The following SPECC1 variants were observed in gnomAD, a reference collection of about 807,000 sequenced individuals.
The protein encoded by SPECC1 is cytospin-B.
SPECC1 carries 62 observed loss-of-function variants against 104.1 expected under a neutral mutation model. The ratio of observed to expected loss-of-function variants is 0.60; its 90% CI spans 0.49 to 0.74. The LOEUF is 0.74. Ranked by LOEUF, SPECC1 falls within the 30% of genes least tolerant of loss-of-function variation. The probability of loss-of-function intolerance (pLI) is 0.00; values close to 1 mark genes in which losing one functional copy is unlikely to be tolerated. For missense variants in SPECC1, 1,306 were observed against 1,310.5 expected (o/e 1.00, Z 0.05); for synonymous variants, 513 against 501.6 (o/e 1.02, Z -0.30).
intron 7 of SPECC1, chr17:20,237,110 T>C: frequency 7.2e-7 from 1 of 1,396,930 alleles, no homozygotes. Flanking sequence ...GTTTCCCTCT[T>C]TTTACTTTTC....
At chr17:20,128,910 A>G (rs2049457375) in intron 3 of SPECC1, among the ~76,000 whole-genome samples, 1 of 152,144 alleles carries the variant, frequency 6.6e-6, no homozygotes, top group Non-Finnish European at 1.5e-5. Context: ...TTTTATTTTT[A>G]GAGACAGCGT....
chr17:20,179,285 C>T (rs2034696386), intron 3 of SPECC1, among the ~76,000 whole-genome samples: 1 of 152,258 alleles, frequency 6.6e-6, no homozygotes, highest in African/African-American at 2.4e-5. Flanking sequence ...GCTGCAGGCA[C>T]TAAAGTCTAC....
intron 1 of SPECC1, among the ~76,000 whole-genome samples, chr17:20,018,562 C>CT (rs1420313084): frequency 1.3e-5 from 2 of 152,194 alleles, no homozygotes; most frequent in Non-Finnish European, 2.9e-5. Context: ...AGTCCTTGGT[C>CT]TTTTATAATT....
intron 12 of SPECC1, chr17:20,290,363 A>G (rs1450317917): frequency 6.6e-6 from 1 of 151,360 alleles, no homozygotes; most frequent in Non-Finnish European, 1.5e-5. Flanking sequence ...TTTTTTTTAA[A>G]GAGAGTCTCA....
chr17:20,247,154 G>A (rs2039454531), intron 8 of SPECC1, 65 bp from the exon 9 acceptor site: 1 of 1,292,390 alleles, frequency 7.7e-7, no homozygotes, highest in South Asian at 1.4e-5. Flanking sequence ...CAAGAAATCA[G>A]GAACAAGTAT....
At chr17:20,231,623 T>C (rs2038585539) in intron 5 of SPECC1, 135 bp from the exon 6 acceptor site, 1 of 734,212 alleles carries the variant, frequency 1.4e-6, no homozygotes, top group South Asian at 1.7e-5. Context: ...TGCTAAAAGT[T>C]GCATTTAGAG....
At chr17:20,274,779 C>G (rs2040523477) in intron 12 of SPECC1, among the ~76,000 whole-genome samples, 1 of 151,894 alleles carries the variant, frequency 6.6e-6, no homozygotes, top group South Asian at 2.1e-4. Context: ...TGTGCCCAGC[C>G]TTGTTTCTTC....
At chr17:20,034,360 G>A (rs988300036) in intron 1 of SPECC1, among the ~76,000 whole-genome samples, 3 of 152,050 alleles carry the variant, frequency 2.0e-5, no homozygotes, top group African/African-American at 7.2e-5. Flanking sequence ...GCCTCCCAAA[G>A]TGCTGGGATT....
chr17:20,188,189 A>G (rs1237191228), intron 3 of SPECC1, among the ~76,000 whole-genome samples: 1 of 152,002 alleles, frequency 6.6e-6, no homozygotes, highest in East Asian at 1.9e-4. Flanking sequence ...ATTAGGTTAT[A>G]TGATTTCTGT....
intron 3 of SPECC1, among the ~76,000 whole-genome samples, chr17:20,125,333 A>G (rs531584702): frequency 6.6e-6 from 1 of 152,192 alleles, no homozygotes; most frequent in African/African-American, 2.4e-5. Context: ...CTTAAGGTCA[A>G]AAAGGGTAAG....
rs1026493793 is a variant in SPECC1, at chr17:20,023,374, T to G, written c.-22+13950T>G. On this transcript the variant is annotated intron_variant, in intron 1 of 14. Coordinates refer to ENST00000395527, the MANE Select transcript of SPECC1 (RefSeq NM_001243439.2). Reference sequence around the variant, plus strand: ...TGCTAATGAATACATGGTAAGTACCTACTAGGTACTAGGTGCTGAGATTAT... The same window carrying G: ...TGCTAATGAATACATGGTAAGTACCGACTAGGTACTAGGTGCTGAGATTAT... Among the ~76,000 whole-genome samples, 3 of 152,170 alleles carry G rather than the reference T, an allele frequency of 2.0e-5. No homozygotes were observed. In the East Asian group the frequency reaches 5.8e-4, roughly 29 times the overall value.
intron 3 of SPECC1, among the ~76,000 whole-genome samples, chr17:20,133,138 A>G (rs573631863): frequency 5.5e-4 from 83 of 151,918 alleles, no homozygotes; most frequent in Admixed American, 9.8e-4. Context: ...GGTAATCTGT[A>G]TATTCTTTCT....
intron 3 of SPECC1, among the ~76,000 whole-genome samples, chr17:20,198,276 G>A (rs886690220): frequency 6.6e-6 from 1 of 152,190 alleles, no homozygotes; most frequent in Non-Finnish European, 1.5e-5. Context: ...GGGCAAGGTG[G>A]TTGCCCTGAG....
chr17:20,224,307 C>A (rs989820473), intron 4 of SPECC1, among the ~76,000 whole-genome samples: 1 of 152,200 alleles, frequency 6.6e-6, no homozygotes, highest in Non-Finnish European at 1.5e-5. Context: ...GCCAGCCCAG[C>A]ACTGGGTCTC....
intron 12 of SPECC1, among the ~76,000 whole-genome samples, chr17:20,265,650 G>C (rs1233354740): frequency 6.6e-6 from 1 of 152,158 alleles, no homozygotes; most frequent in East Asian, 1.9e-4. Flanking sequence ...TGGGGACTTA[G>C]CCAAAAATTC....
intron 1 of SPECC1, among the ~76,000 whole-genome samples, chr17:20,075,288 C>G (rs1395765607): frequency 1.3e-5 from 2 of 152,042 alleles, no homozygotes; most frequent in South Asian, 2.1e-4. Flanking sequence ...TCCCAGCAGC[C>G]CCATGAGGTA....
chr17:20,128,125 A>G (rs1056996849), intron 3 of SPECC1, among the ~76,000 whole-genome samples: 2 of 152,218 alleles, frequency 1.3e-5, no homozygotes, highest in Non-Finnish European at 2.9e-5. Context: ...TGACTCCACT[A>G]GAAGACAGAT....
At chr17:20,047,506 C>T (rs1028974296) in intron 1 of SPECC1, among the ~76,000 whole-genome samples, 7 of 152,124 alleles carry the variant, frequency 4.6e-5, no homozygotes, top group East Asian at 3.8e-4. Context: ...GAAAGTTTTC[C>T]GGTGTTATAT....
At chr17:20,054,995 G>A (rs933154051) in intron 1 of SPECC1, among the ~76,000 whole-genome samples, 2 of 152,124 alleles carry the variant, frequency 1.3e-5, no homozygotes, top group African/African-American at 2.4e-5. Flanking sequence ...ATACATTATT[G>A]TTGACTCTAG....
Sources: allele counts gnomAD v4.1 joint callset (sites outside exome capture counted in the v4.1 genomes callset), GRCh38; gene constraint gnomAD v4.1.1; transcripts MANE v1.5; gene names NCBI Gene and HGNC (gene_info 2026-07-23, HGNC 2026-07-21).